Variants in FPR3 observed in about 807,000 individuals in gnomAD.
FPR3 encodes the protein N-formyl peptide receptor 3.
For missense variants in FPR3, 346 were observed against 443.2 expected (o/e 0.78, Z 1.97); for synonymous variants, 135 against 163.6 (o/e 0.83, Z 1.34).
chr19:51,815,235 G>A lies in FPR3; in HGVS notation c.-10-8504G>A, dbSNP rs931705235. 2.6e-5 allele frequency among the ~76,000 whole-genome samples: 4 copies of A among 152,104 alleles called. No individual in the cohort carries two copies. In the East Asian group the frequency reaches 5.8e-4, roughly 22 times the overall value. The stretch of plus-strand genomic sequence containing the variant: ...TTCAGCCCCACCCATTGACTTTCAG[G>A]AAGGGGAAGTGGGGACTGGAGATTG... On this transcript the variant is annotated intron_variant, in intron 1 of 1. Transcript: ENST00000339223.
chr19:51,800,825 C>A (rs2084023408), intron 1 of FPR3, among the ~76,000 whole-genome samples: 1 of 151,954 alleles, frequency 6.6e-6, no homozygotes, highest in South Asian at 2.1e-4. Context: ...GGATCTTGTC[C>A]AGTAAACATC....
chr19:51,799,792 C>T (rs2084018524), intron 1 of FPR3, among the ~76,000 whole-genome samples: 1 of 152,220 alleles, frequency 6.6e-6, no homozygotes, highest in Non-Finnish European at 1.5e-5. Flanking sequence ...TGACAGGGGG[C>T]CACTACTGGA....
rs75887907 is a variant in FPR3, at chr19:51,812,236, C to T, written c.-10-11503C>T. Among the ~76,000 whole-genome samples the T allele has an allele frequency of 3.3e-4, 50 of 152,188 alleles. 1 individual carries two copies. In the East Asian group the frequency reaches 7.3e-3, roughly 22 times the overall value. On this transcript the variant is annotated intron_variant, in intron 1 of 1. Coordinates refer to ENST00000339223, the MANE Select transcript of FPR3 (RefSeq NM_002030.5). Reference sequence around the variant, plus strand: ...AGTTAAGATAGTTAATATGGCCCAACGTAGGGTGAAATAATGGCCTTCAAT... The same window carrying T: ...AGTTAAGATAGTTAATATGGCCCAATGTAGGGTGAAATAATGGCCTTCAAT...
Position 51,824,098 on chromosome 19 carries a change from C to G in FPR3, c.350C>G (p.Thr117Ser). Residue 117 changes from threonine (T) to serine (S), a missense_variant, in exon 2 of 2, where the codon ACC (threonine) becomes AGC (serine). Physicochemically the swap from Thr to Ser is moderately conservative, Grantham distance 58. Coordinates refer to ENST00000339223, the MANE Select transcript of FPR3 (RefSeq NM_002030.5). This position sits in a 1 kb window ranked among gnomAD's most constrained non-coding sequence, Gnocchi z 4.7. ...INLFVSVYLI[T>S]IIALDRCICV... ...CTGTTTGTCAGTGTCTACCTGATCACCATCATTGCTCTGGACCGCTGTATT... is the reference window on the plus strand; with the variant it reads ...CTGTTTGTCAGTGTCTACCTGATCAGCATCATTGCTCTGGACCGCTGTATT... 1.2e-6 allele frequency: 2 copies of G among 1,614,042 alleles called. No individual in the cohort carries two copies. Among genetic ancestry groups the G allele is most frequent in the South Asian group, 2.2e-5 (2 of 91,046 alleles).
At chr19:51,819,953 G>A (rs1234483692) in intron 1 of FPR3, among the ~76,000 whole-genome samples, 1 of 152,198 alleles carries the variant, frequency 6.6e-6, no homozygotes, top group Non-Finnish European at 1.5e-5. Flanking sequence ...GAGACAGTGG[G>A]ATGGAAAGCA....
At chr19:51,810,866 C>G (rs1475135193) in intron 1 of FPR3, among the ~76,000 whole-genome samples, 3 of 152,092 alleles carry the variant, frequency 2.0e-5, no homozygotes, top group African/African-American at 7.2e-5. Context: ...TGGGATCAGG[C>G]CTTATGGAAA....
At chr19:51,818,775 G>A (rs2084164719) in intron 1 of FPR3, among the ~76,000 whole-genome samples, 1 of 152,228 alleles carries the variant, frequency 6.6e-6, no homozygotes, top group Non-Finnish European at 1.5e-5. Context: ...AGAGTGCAGA[G>A]ATGAGGTCTG....
intron 1 of FPR3, among the ~76,000 whole-genome samples, chr19:51,801,579 G>C (rs1052728757): frequency 1.3e-5 from 2 of 152,166 alleles, no homozygotes; most frequent in African/African-American, 4.8e-5. Context: ...TCAAGAGTTC[G>C]AGATCAGCCT....
At chr19:51,801,217 G>T (rs2122413720) in intron 1 of FPR3, among the ~76,000 whole-genome samples, 1 of 152,168 alleles carries the variant, frequency 6.6e-6, no homozygotes, top group Middle Eastern at 3.4e-3. Context: ...GCTGGCCCTA[G>T]ATTATTTATT....
intron 1 of FPR3, among the ~76,000 whole-genome samples, chr19:51,797,237 A>C (rs2084005103): frequency 6.6e-6 from 1 of 152,196 alleles, no homozygotes; most frequent in East Asian, 1.9e-4. Context: ...TGCTAAGGAC[A>C]GAAGTCAATG....
rs751933565 is a variant in FPR3 at position 51,824,224 on chromosome 19, C to G, written c.476C>G (p.Pro159Arg). 7.4e-6 allele frequency: 12 copies of G among 1,614,006 alleles called. No individual in the cohort carries two copies. The highest frequency in any genetic ancestry group is 1.7e-6 in the Non-Finnish European group (2 of 1,180,022). The change falls in exon 2 of 2, where the codon CCA (proline) becomes CGA (arginine). Residue 159 changes from proline to arginine, a missense_variant. Transcript: ENST00000339223. The surrounding 1 kb of genome is among the most constrained non-coding windows in gnomAD (Gnocchi z 4.7). ...LWIFTIVLTL[P>R]NFIFWTTIST... is the part of the protein sequence containing the mutation. ...ATTTTCACCATAGTCCTTACCTTACCAAATTTCATCTTCTGGACTACAATA... is the reference window on the plus strand; with the variant it reads ...ATTTTCACCATAGTCCTTACCTTACGAAATTTCATCTTCTGGACTACAATA...
At chr19:51,813,357 T>C (rs1039160497) in intron 1 of FPR3, among the ~76,000 whole-genome samples, 6 of 152,098 alleles carry the variant, frequency 3.9e-5, no homozygotes, top group Non-Finnish European at 7.4e-5. Flanking sequence ...ACAATCATAA[T>C]TGAAAACCTC....
Position 51,795,515 on chromosome 19 carries a change from T to C in FPR3, c.-11+184T>C, listed in dbSNP as rs1267751369. On this transcript the variant is annotated intron_variant, in intron 1 of 1. Coordinates refer to ENST00000339223, the MANE Select transcript of FPR3 (RefSeq NM_002030.5). Reference sequence around the variant, plus strand: ...GTTCCAGTAACATTCTTTTTTTTTTTTTTTTTTTTTTTTTTTTTGATGGAG... The same window carrying C: ...GTTCCAGTAACATTCTTTTTTTTTTCTTTTTTTTTTTTTTTTTTGATGGAG... Among the ~76,000 whole-genome samples, 9 of 117,580 alleles carry C rather than the reference T, an allele frequency of 7.7e-5. No individual in the cohort carries two copies. The South Asian group carries it at 2.0e-3, about 27-fold the overall frequency. The allele number at this position is 117,580 out of a possible 152,430, so 77.1% of individuals were successfully genotyped here.
At chr19:51,809,311 A>T (rs2084081851) in intron 1 of FPR3, among the ~76,000 whole-genome samples, 2 of 152,214 alleles carry the variant, frequency 1.3e-5, no homozygotes, top group Admixed American at 1.3e-4. Flanking sequence ...CCCACTAGGG[A>T]TGTAGAAGTT....
Position 51,825,870 on chromosome 19 carries a change from T to C in FPR3, c.*1060T>C, listed in dbSNP as rs2084228964. 6.0e-6 allele frequency: 1 copy of C among 167,136 alleles called. No homozygotes were observed. The highest frequency in any genetic ancestry group is 2.4e-5 in the African/African-American group (1 of 41,466). The allele number at this position is 167,136 out of a possible 1,614,324, so 10.4% of individuals were successfully genotyped here. On this transcript the variant is annotated 3_prime_UTR_variant, in exon 2 of 2. Coordinates refer to ENST00000339223, the MANE Select transcript of FPR3 (RefSeq NM_002030.5). ...TACAAGAGAAGAGACAAAGTGGGGATATTTGTAAGGCTTAGATGAGATAGT... is the reference window on the plus strand; with the variant it reads ...TACAAGAGAAGAGACAAAGTGGGGACATTTGTAAGGCTTAGATGAGATAGT...
At chr19:51,820,162 C>T (rs529946675) in intron 1 of FPR3, among the ~76,000 whole-genome samples, 2 of 152,104 alleles carry the variant, frequency 1.3e-5, no homozygotes. Context: ...AGCAGAAGGG[C>T]TGAATGTTAT....
chr19:51,810,502 C>T (rs2084088883), intron 1 of FPR3, among the ~76,000 whole-genome samples: 2 of 152,300 alleles, frequency 1.3e-5, no homozygotes, highest in South Asian at 4.1e-4. Context: ...CCTGTGCACA[C>T]TGCTGATAAG....
In FPR3 at chr19:51,817,486, C is replaced by T. The variant is rs113682316; in HGVS notation, c.-10-6253C>T. Among the ~76,000 whole-genome samples the T allele has an allele frequency of 4.4e-4, 66 of 151,212 alleles. 2 individuals carry two copies. In the South Asian group the frequency reaches 0.013, roughly 30 times the overall value. On this transcript the variant is annotated intron_variant, in intron 1 of 1. Transcript: ENST00000339223. Reference sequence around the variant, plus strand: ...GCTTTAATCCTTACAAAAGAAGTAACGTAAGTAACCATGTCAGTCAATCTG... The same window carrying T: ...GCTTTAATCCTTACAAAAGAAGTAATGTAAGTAACCATGTCAGTCAATCTG...
chr19:51,824,929 G>A lies in FPR3; in HGVS notation c.*119G>A, dbSNP rs1225197283. On this transcript the variant is annotated 3_prime_UTR_variant, in exon 2 of 2. Transcript: ENST00000339223. The surrounding 1 kb of genome is among the most constrained non-coding windows in gnomAD (Gnocchi z 4.7). ...CACCACCACAATCATCAACATAAAGGAAGTCTGTACCAAATCTGTAGGGGG... is the reference window on the plus strand; with the variant it reads ...CACCACCACAATCATCAACATAAAGAAAGTCTGTACCAAATCTGTAGGGGG... The A allele has an allele frequency of 1.2e-6, 1 of 811,130 alleles. No homozygotes were observed. The allele number at this position is 811,130 out of a possible 1,614,324, so 50.2% of individuals were successfully genotyped here.
Sources: allele counts gnomAD v4.1 joint callset (sites outside exome capture counted in the v4.1 genomes callset), GRCh38; gene constraint gnomAD v4.1.1; non-coding constraint Gnocchi (gnomAD v3.1); transcripts MANE v1.5; gene names NCBI Gene and HGNC (gene_info 2026-07-23, HGNC 2026-07-21).